PLXDC2: variants seen among roughly 807,000 people sequenced by gnomAD.
The protein encoded by PLXDC2 is plexin domain-containing protein 2.
In PLXDC2, 40 loss-of-function variants were observed where a neutral mutation model predicts 68.9. That is an observed-to-expected ratio of 0.58 (90% CI 0.45 to 0.76). The LOEUF (loss-of-function observed/expected upper bound fraction) is 0.76. PLXDC2 is among the 30% of genes least tolerant of loss of function. The pLI is 0.00. For synonymous variants in PLXDC2, 243 were observed against 234.2 expected, an observed-to-expected ratio of 1.04 and a Z score of -0.34; for missense variants, 644 against 661.9, an observed-to-expected ratio of 0.97 and a Z score of 0.30.
intron 1 of PLXDC2, among the ~76,000 whole-genome samples, chr10:19,900,548 A>C (rs1838140992): frequency 6.6e-6 from 1 of 152,126 alleles, no homozygotes; most frequent in Non-Finnish European, 1.5e-5. Context: ...CAACATCCAC[A>C]TAGTTTTGGA....
At chr10:19,958,234 T>C (rs965104278) in intron 1 of PLXDC2, among the ~76,000 whole-genome samples, 1 of 152,128 alleles carries the variant, frequency 6.6e-6, no homozygotes, top group Admixed American at 6.5e-5. Context: ...TGTATAGCAG[T>C]GAGGTACCTG....
chr10:20,050,710 A>C (rs1835883771), intron 3 of PLXDC2, among the ~76,000 whole-genome samples: 1 of 151,824 alleles, frequency 6.6e-6, no homozygotes, highest in African/African-American at 2.4e-5. Context: ...AAAAAACAAA[A>C]ACAAAACAAA....
At chr10:19,858,202 C>T (rs1837250831) in intron 1 of PLXDC2, among the ~76,000 whole-genome samples, 3 of 152,126 alleles carry the variant, frequency 2.0e-5, no homozygotes, top group East Asian at 1.9e-4. Flanking sequence ...AAATCTCCCT[C>T]GGGTGGCTGT....
intron 13 of PLXDC2, among the ~76,000 whole-genome samples, chr10:20,274,455 G>C (rs1835978629): frequency 6.6e-6 from 1 of 152,136 alleles, no homozygotes; most frequent in South Asian, 2.1e-4. Context: ...AATCCTTGAA[G>C]ATCATCCATA....
At chr10:19,955,399 C>T (rs975238617) in intron 1 of PLXDC2, among the ~76,000 whole-genome samples, 5 of 151,868 alleles carry the variant, frequency 3.3e-5, no homozygotes, top group East Asian at 1.9e-4. Context: ...AACCCATTTC[C>T]GGGAAATGCA....
chr10:20,219,211 G>A (rs1287864119), intron 12 of PLXDC2, 109 bp downstream of exon 12: 2 of 1,170,344 alleles, frequency 1.7e-6, no homozygotes, highest in Admixed American at 2.8e-5. Context: ...GTGAGGTTGT[G>A]TTTTATTCTC....
chr10:19,887,695 AAC>A (rs1473166855), intron 1 of PLXDC2, among the ~76,000 whole-genome samples: 1 of 152,222 alleles, frequency 6.6e-6, no homozygotes, highest in South Asian at 2.1e-4. Context: ...CCTGTTGATC[AAC>A]AGAGAATGAA....
At chr10:20,246,405 C>T (rs1311118657) in intron 13 of PLXDC2, among the ~76,000 whole-genome samples, 1 of 152,152 alleles carries the variant, frequency 6.6e-6, no homozygotes, top group African/African-American at 2.4e-5. Context: ...GCTGCAATGC[C>T]GTGGTGCGAT....
At chr10:20,204,942 G>T (rs187134814) in intron 9 of PLXDC2, among the ~76,000 whole-genome samples, 1 of 152,042 alleles carries the variant, frequency 6.6e-6, no homozygotes, top group Admixed American at 6.6e-5. Context: ...GTTTCATTTC[G>T]CTGGTGGAAT....
At chr10:20,094,178 C>T (rs554286884) in intron 4 of PLXDC2, among the ~76,000 whole-genome samples, 1 of 152,236 alleles carries the variant, frequency 6.6e-6, no homozygotes, top group African/African-American at 2.4e-5. Context: ...GATGAAGTCA[C>T]CACTTGGATT....
chr10:19,963,843 A>AAC (rs936786161), intron 1 of PLXDC2, among the ~76,000 whole-genome samples: 1 of 152,142 alleles, frequency 6.6e-6, no homozygotes, highest in Non-Finnish European at 1.5e-5. Flanking sequence ...TAATAAAAAA[A>AAC]AAAACAAAAA....
intron 1 of PLXDC2, among the ~76,000 whole-genome samples, chr10:19,853,651 G>GT (rs1491012106): frequency 2.5e-5 from 2 of 80,686 alleles, no homozygotes; most frequent in Non-Finnish European, 4.5e-5. Flanking sequence ...GCTGCTTTGG[G>GT]TGGGGGGGGG....
intron 2 of PLXDC2, among the ~76,000 whole-genome samples, chr10:20,023,958 C>G (rs1471053399): frequency 1.3e-5 from 2 of 152,092 alleles, no homozygotes; most frequent in Non-Finnish European, 2.9e-5. Flanking sequence ...CTTATATCAA[C>G]TGCCAGGACA....
intron 9 of PLXDC2, among the ~76,000 whole-genome samples, 166 bp downstream of exon 9, chr10:20,177,575 G>T (rs1221083284): frequency 6.6e-6 from 1 of 151,876 alleles, no homozygotes; most frequent in African/African-American, 2.4e-5. Context: ...GATCAGCCTG[G>T]GCAACATAGC....
chr10:19,994,945 C>T (rs527975001), intron 1 of PLXDC2, among the ~76,000 whole-genome samples: 16 of 151,900 alleles, frequency 1.1e-4, no homozygotes, highest in Admixed American at 7.9e-4. Context: ...GGTTTCACCA[C>T]GTTGGCCAGC....
intron 1 of PLXDC2, among the ~76,000 whole-genome samples, chr10:19,934,165 C>T (rs1833686979): frequency 1.3e-5 from 2 of 152,144 alleles, no homozygotes; most frequent in African/African-American, 4.8e-5. Context: ...GTAGATATTC[C>T]ATTGATTTAC....
chr10:19,957,100 AAG>A (rs775388852), intron 1 of PLXDC2, among the ~76,000 whole-genome samples: 1 of 152,186 alleles, frequency 6.6e-6, no homozygotes, highest in Admixed American at 6.5e-5. Flanking sequence ...AATCATAAAA[AAG>A]ATTTATATGC....
At chr10:20,105,826 G>A (rs998623852) in intron 4 of PLXDC2, among the ~76,000 whole-genome samples, 6 of 152,148 alleles carry the variant, frequency 3.9e-5, no homozygotes, top group African/African-American at 1.2e-4. Context: ...ACAAATCCTC[G>A]AGCTGCTCTC....
chr10:19,886,576 C>T (rs1432507947), intron 1 of PLXDC2, among the ~76,000 whole-genome samples: 2 of 152,160 alleles, frequency 1.3e-5, no homozygotes, highest in Non-Finnish European at 2.9e-5. Context: ...AATTCAACAA[C>T]CTTCATGCTA....
Sources: allele counts gnomAD v4.1 joint callset (sites outside exome capture counted in the v4.1 genomes callset), GRCh38; gene constraint gnomAD v4.1.1; transcripts MANE v1.5; gene names NCBI Gene and HGNC (gene_info 2026-07-23, HGNC 2026-07-21).